Variants in TMEM135 observed in about 807,000 individuals in gnomAD.
TMEM135 encodes transmembrane protein 135.
A neutral mutation model predicts 60.3 loss-of-function variants in TMEM135; 30 were observed. That is an observed-to-expected ratio of 0.50 (90% CI 0.37 to 0.68). The LOEUF (loss-of-function observed/expected upper bound fraction) is 0.68, where lower values mean the gene tolerates loss of function less well. Ranked by LOEUF, TMEM135 falls within the 30% of genes least tolerant of loss-of-function variation. The probability of loss-of-function intolerance (pLI) is 0.00; values close to 1 mark genes in which losing one functional copy is unlikely to be tolerated. For missense variants in TMEM135, 468 were observed against 548.8 expected (o/e 0.85, Z 1.47); for synonymous variants, 190 against 186.7 (o/e 1.02, Z -0.14).
chr11:87,058,586 C>T (rs901145533), intron 1 of TMEM135, among the ~76,000 whole-genome samples: 1 of 151,836 alleles, frequency 6.6e-6, no homozygotes, highest in African/African-American at 2.4e-5. Context: ...CCGCCTTGGC[C>T]TATGATAAAT....
chr11:87,156,392 C>T (rs570996474), intron 4 of TMEM135, among the ~76,000 whole-genome samples: 91 of 152,208 alleles, frequency 6.0e-4, no homozygotes, highest in Non-Finnish European at 7.4e-4. Flanking sequence ...TCTAGTTCTG[C>T]AACATGTGCC....
chr11:87,133,591 C>T (rs1938000017), intron 4 of TMEM135, among the ~76,000 whole-genome samples: 2 of 152,086 alleles, frequency 1.3e-5, no homozygotes, highest in South Asian at 2.1e-4. Flanking sequence ...TATATTGATA[C>T]ATTTTGACAT....
At chr11:87,220,881 CGTTGGA>C (rs1565490864) in intron 5 of TMEM135, among the ~76,000 whole-genome samples, 2 of 151,992 alleles carry the variant, frequency 1.3e-5, no homozygotes, top group African/African-American at 4.8e-5. Flanking sequence ...CAAGGTAGTT[CGTTGGA>C]ATAAAACCTA....
Position 87,038,123 on chromosome 11 carries a change from C to A in TMEM135, c.78C>A (p.Ser26=), listed in dbSNP as rs141357739. ...GHTWHPSCRV[S]FLQITGGALE... is the part of the protein sequence containing the mutation. ...CTTGGCACCCTTCCTGCCGGGTCTCCTTCCTGCAGATCACCGGGGGCGCCC... is the reference window on the plus strand; with the variant it reads ...CTTGGCACCCTTCCTGCCGGGTCTCATTCCTGCAGATCACCGGGGGCGCCC... Residue 26 remains serine (S), a synonymous_variant, in exon 1 of 15, where the codon TCC becomes TCA. Coordinates refer to ENST00000305494, the MANE Select transcript of TMEM135 (RefSeq NM_022918.4). The A allele has an allele frequency of 6.2e-7, 1 of 1,614,188 alleles. No individual in the cohort carries two copies.
chr11:87,301,846 A>T (rs1942455711), intron 7 of TMEM135, among the ~76,000 whole-genome samples: 1 of 152,202 alleles, frequency 6.6e-6, no homozygotes, highest in South Asian at 2.1e-4. Flanking sequence ...CCAAAGAAAA[A>T]TAAGTAGATT....
intron 4 of TMEM135, among the ~76,000 whole-genome samples, chr11:87,112,750 C>A (rs577128847): frequency 2.0e-5 from 3 of 151,212 alleles, no homozygotes; most frequent in African/African-American, 7.3e-5. Flanking sequence ...GGGCTGATGC[C>A]TAGCATGATA....
At chr11:87,240,687 C>A (rs965054967) in intron 6 of TMEM135, among the ~76,000 whole-genome samples, 4 of 152,038 alleles carry the variant, frequency 2.6e-5, no homozygotes, top group Non-Finnish European at 5.9e-5. Flanking sequence ...TGATTTTATA[C>A]CCACCATTAG....
At chr11:87,238,463 G>C (rs1364555023) in intron 6 of TMEM135, among the ~76,000 whole-genome samples, 2 of 151,976 alleles carry the variant, frequency 1.3e-5, no homozygotes, top group Non-Finnish European at 2.9e-5. Context: ...ATCAGTCATT[G>C]GGATGCATAG....
chr11:87,258,974 C>T (rs1941587916), intron 6 of TMEM135: 1 of 1,528,376 alleles, frequency 6.5e-7, no homozygotes, highest in African/African-American at 1.4e-5. Flanking sequence ...TTCTCAGTCT[C>T]AAAGACAACG....
At chr11:87,050,458 C>T (rs1193112624) in intron 1 of TMEM135, among the ~76,000 whole-genome samples, 1 of 72,036 alleles carries the variant, frequency 1.4e-5, no homozygotes, top group Non-Finnish European at 2.3e-5. Context: ...ATCAAATAGA[C>T]ACAATAAAAA....
At chr11:87,287,522 C>T (rs1033651737) in intron 6 of TMEM135, among the ~76,000 whole-genome samples, 4 of 152,030 alleles carry the variant, frequency 2.6e-5, no homozygotes, top group African/African-American at 9.7e-5. Flanking sequence ...ACTAAAAATA[C>T]AAAAATTAGC....
In TMEM135 at chr11:87,318,128, G is replaced by A. The variant is rs746665055; in HGVS notation, c.1078-9G>A. ...TCTTTATAACTCTTGTCTTATGCTT[G>A]TTTTGCAGACAATGTATTTCAAAGG... On this transcript the variant is annotated splice_polypyrimidine_tract_variant and intron_variant, in intron 12 of 14. Coordinates refer to ENST00000305494, the MANE Select transcript of TMEM135 (RefSeq NM_022918.4). 6.2e-7 allele frequency: 1 copy of A among 1,607,216 alleles called. No homozygotes were observed. Among genetic ancestry groups the A allele is most frequent in the East Asian group, 2.2e-5 (1 of 44,778 alleles).
chr11:87,188,581 G>A (rs1056475376), intron 5 of TMEM135, among the ~76,000 whole-genome samples: 1 of 151,922 alleles, frequency 6.6e-6, no homozygotes, highest in African/African-American at 2.4e-5. Flanking sequence ...GCTGGCGCCT[G>A]TAATCCCAGA....
intron 6 of TMEM135, among the ~76,000 whole-genome samples, chr11:87,246,827 T>C (rs11494236): frequency 0.51 from 40,753 of 80,048 alleles, 12,083 homozygotes; most frequent in Middle Eastern, 0.64. Context: ...GTAGTTTGAT[T>C]GTCTGAAGGC....
intron 5 of TMEM135, among the ~76,000 whole-genome samples, chr11:87,222,144 T>C (rs1940634856): frequency 8.5e-6 from 1 of 117,692 alleles, no homozygotes; most frequent in Non-Finnish European, 1.6e-5. Context: ...ATAGCGCCAC[T>C]GCAGTCCGGC....
intron 1 of TMEM135, among the ~76,000 whole-genome samples, chr11:87,046,960 C>T (rs932697010): frequency 6.6e-6 from 1 of 152,150 alleles, no homozygotes; most frequent in Non-Finnish European, 1.5e-5. Flanking sequence ...ACCTCAGTGT[C>T]CTCATCTATA....
At chr11:87,213,769 T>C (rs1349404956) in intron 5 of TMEM135, among the ~76,000 whole-genome samples, 2 of 152,192 alleles carry the variant, frequency 1.3e-5, no homozygotes, top group Admixed American at 6.5e-5. Flanking sequence ...GTGAATAAAA[T>C]AAATATTCAA....
At chr11:87,140,468 G>A (rs1391470515) in intron 4 of TMEM135, among the ~76,000 whole-genome samples, 1 of 152,190 alleles carries the variant, frequency 6.6e-6, no homozygotes, top group African/African-American at 2.4e-5. Flanking sequence ...TTTTATCAAT[G>A]TATTAGTTGT....
chr11:87,166,686 C>G (rs1333464056), intron 5 of TMEM135, among the ~76,000 whole-genome samples: 1 of 151,650 alleles, frequency 6.6e-6, no homozygotes, highest in African/African-American at 2.4e-5. Flanking sequence ...GTACCAGTAC[C>G]ATGCTGTTTT....
Sources: allele counts gnomAD v4.1 joint callset (sites outside exome capture counted in the v4.1 genomes callset), GRCh38; gene constraint gnomAD v4.1.1; transcripts MANE v1.5; gene names NCBI Gene and HGNC (gene_info 2026-07-23, HGNC 2026-07-21).